Variants in FAM110B observed in about 807,000 individuals in gnomAD.
The protein encoded by FAM110B is family with sequence similarity 110 member B.
FAM110B carries 6 observed loss-of-function variants against 20.4 expected under a neutral mutation model. That is an observed-to-expected ratio of 0.29 (90% confidence interval 0.16 to 0.58). FAM110B has a LOEUF of 0.58. Among genes scored for constraint, FAM110B ranks in the 20% least tolerant of loss-of-function variants. The probability of loss-of-function intolerance (pLI) is 0.90; values close to 1 mark genes in which losing one functional copy is unlikely to be tolerated. For missense variants in FAM110B, 434 were observed against 498.2 expected (o/e 0.87, Z 1.23); for synonymous variants, 226 against 214.1 (o/e 1.06, Z -0.49).
chr8:58,054,194 T>C (rs1369051411), intron 2 of FAM110B, among the ~76,000 whole-genome samples: 1 of 152,202 alleles, frequency 6.6e-6, no homozygotes, highest in Non-Finnish European at 1.5e-5. Context: ...AGGCCAAACT[T>C]AAAATGCATA....
In FAM110B at chr8:58,147,187, A is replaced by G; in HGVS notation, c.957A>G (p.Glu319=). 1 of 1,614,166 alleles carries G rather than the reference A, an allele frequency of 6.2e-7. No homozygotes were observed. The change falls in exon 4 of 4, where the codon GAA becomes GAG. Residue 319 remains glutamate, a synonymous_variant. Coordinates refer to ENST00000519262, the MANE Select transcript of FAM110B (RefSeq NM_001377989.1). The part of the protein sequence containing the change: ...RSASMISSDC[E]QSQDSNSDLR... ...CAAGCATGATCAGCTCAGACTGTGA[A>G]CAGTCTCAGGACAGTAACAGTGACC...
intron 1 of FAM110B, among the ~76,000 whole-genome samples, chr8:58,018,035 A>G (rs1267580732): frequency 6.6e-6 from 1 of 152,220 alleles, no homozygotes; most frequent in African/African-American, 2.4e-5. Flanking sequence ...CAAAACCAAA[A>G]ATGTTATTGT....
In FAM110B at chr8:57,995,247, A is replaced by C. The variant is rs955020728; in HGVS notation, c.-512+441A>C. 7.4e-5 allele frequency among the ~76,000 whole-genome samples: 11 copies of C among 149,342 alleles called. No homozygotes were observed. In the East Asian group the frequency reaches 2.2e-3, roughly 30 times the overall value. ...AGGAGTGGGACTACGAAGGATGGGG[A>C]CTCCGCTCGGCCACCGCTCCTGAAT... On this transcript the variant is annotated intron_variant, in intron 1 of 3. Coordinates refer to ENST00000519262, the MANE Select transcript of FAM110B (RefSeq NM_001377989.1).
chr8:58,097,921 T>C (rs889940100), intron 3 of FAM110B, among the ~76,000 whole-genome samples: 4 of 152,224 alleles, frequency 2.6e-5, no homozygotes, highest in Admixed American at 6.5e-5. Context: ...TGCCTGTTCC[T>C]TTCTCTGGAA....
intron 2 of FAM110B, among the ~76,000 whole-genome samples, chr8:58,038,507 G>T (rs748089875): frequency 3.3e-5 from 5 of 152,092 alleles, no homozygotes; most frequent in Admixed American, 6.5e-5. Flanking sequence ...ATCCCAGCAC[G>T]TTGGGAGGCC....
At chr8:58,112,780 T>A (rs1231749317) in intron 3 of FAM110B, among the ~76,000 whole-genome samples, 1 of 152,232 alleles carries the variant, frequency 6.6e-6, no homozygotes, top group African/African-American at 2.4e-5. Flanking sequence ...TTTTAAGGGA[T>A]CTTTTAAAGT....
chr8:58,137,220 G>A (rs575897644), intron 3 of FAM110B, among the ~76,000 whole-genome samples: 1 of 152,276 alleles, frequency 6.6e-6, no homozygotes, highest in South Asian at 2.1e-4. Context: ...TCTAATGATG[G>A]TGATTATCAA....
intron 3 of FAM110B, among the ~76,000 whole-genome samples, chr8:58,136,750 G>A (rs1482280712): frequency 1.3e-5 from 2 of 152,160 alleles, no homozygotes; most frequent in African/African-American, 4.8e-5. Context: ...AACTGGAAAT[G>A]TGAAATTTTT....
chr8:58,107,448 T>G (rs533506264), intron 3 of FAM110B, among the ~76,000 whole-genome samples: 15 of 152,316 alleles, frequency 9.8e-5, no homozygotes, highest in Non-Finnish European at 1.5e-4. Flanking sequence ...ACAGTTCTAG[T>G]CTCTTGGGCA....
intron 3 of FAM110B, chr8:58,101,087 G>C (rs1806768368): frequency 6.6e-6 from 1 of 151,964 alleles, no homozygotes; most frequent in Non-Finnish European, 1.5e-5. Context: ...TGAGGCAGGA[G>C]AATGGCGTAA....
Position 58,146,842 on chromosome 8 carries a change from C to A in FAM110B, c.612C>A (p.Arg204=). Residue 204 remains arginine (R), a synonymous_variant, in exon 4 of 4, where the codon CGC becomes CGA. Coordinates refer to ENST00000519262, the MANE Select transcript of FAM110B (RefSeq NM_001377989.1). ...LHVSHSSSDI[R]KVTSVKPLKA... is the part of the protein sequence containing the mutation. ...TGTCCCACAGCTCTTCGGACATCCG[C>A]AAGGTGACCAGCGTGAAGCCCCTCA... 1 of 1,613,094 alleles carries A rather than the reference C, an allele frequency of 6.2e-7. No individual in the cohort carries two copies. Among genetic ancestry groups the A allele is most frequent in the Non-Finnish European group, 8.5e-7 (1 of 1,179,464 alleles).
intron 3 of FAM110B, among the ~76,000 whole-genome samples, chr8:58,121,062 G>C (rs73682158): frequency 2.6e-4 from 39 of 152,326 alleles, no homozygotes; most frequent in African/African-American, 9.1e-4. Context: ...CTCAGTTCCA[G>C]TGCAGGAGAC....
intron 1 of FAM110B, among the ~76,000 whole-genome samples, chr8:58,022,193 TA>T (rs1263842787): frequency 6.6e-6 from 1 of 152,218 alleles, no homozygotes; most frequent in Non-Finnish European, 1.5e-5. Flanking sequence ...TTCTGAAAGC[TA>T]AATGTCCCTT....
At chr8:58,056,403 A>G (rs1805549187) in intron 2 of FAM110B, among the ~76,000 whole-genome samples, 1 of 152,222 alleles carries the variant, frequency 6.6e-6, no homozygotes, top group South Asian at 2.1e-4. Flanking sequence ...GGTTGTTAAA[A>G]TCTATTTAAC....
At chr8:58,117,547 TCTCTAGCTAAGGTA>T (rs1251802301) in intron 3 of FAM110B, among the ~76,000 whole-genome samples, 1 of 152,156 alleles carries the variant, frequency 6.6e-6, no homozygotes, top group East Asian at 1.9e-4. Flanking sequence ...ACTCCATCTC[TCTCTAGCTAAGGTA>T]GAGCGAGGGT....
intron 1 of FAM110B, among the ~76,000 whole-genome samples, chr8:58,028,104 CTT>C (rs1942772841): frequency 6.6e-6 from 1 of 152,082 alleles, no homozygotes; most frequent in South Asian, 2.1e-4. Flanking sequence ...CTTATAAACA[CTT>C]TATATTTTCT....
At position 58,146,784 on chromosome 8, in the gene FAM110B, T is replaced by G. The variant is rs1803878019; in HGVS notation, c.554T>G (p.Leu185Arg). The G allele has an allele frequency of 3.7e-6, 6 of 1,611,158 alleles. No homozygotes were observed. The highest frequency in any genetic ancestry group is 1.7e-4 in the Middle Eastern group (1 of 6,056). Residue 185 changes from leucine to arginine, a missense_variant, in exon 4 of 4, where the codon CTG (leucine) becomes CGG (arginine). This residue lies in a region of FAM110B where 284 missense variants were observed against 278.3 expected (regional missense o/e 1.02). Coordinates refer to ENST00000519262, the MANE Select transcript of FAM110B (RefSeq NM_001377989.1). ...GGCGGCTCCCACGTGGGCAGGAGAC[T>G]GCTGGAGCAGTCAGCCGAGTCCTTC... ...QEGGSHVGRR[L>R]LEQSAESFLH...
intron 3 of FAM110B, among the ~76,000 whole-genome samples, chr8:58,098,398 C>A (rs1353177620): frequency 6.6e-6 from 1 of 152,224 alleles, no homozygotes; most frequent in Non-Finnish European, 1.5e-5. Context: ...CTCTCCCAAC[C>A]AAGCTCGAGT....
intron 1 of FAM110B, among the ~76,000 whole-genome samples, chr8:58,012,329 ATCT>A (rs1360852828): frequency 3.3e-5 from 5 of 151,582 alleles, no homozygotes; most frequent in Admixed American, 1.3e-4. Context: ...AAAACTAAAG[ATCT>A]TCTTAGTGTC....
Sources: allele counts gnomAD v4.1 joint callset (sites outside exome capture counted in the v4.1 genomes callset), GRCh38; gene constraint gnomAD v4.1.1; regional missense constraint gnomAD v4.1.1; transcripts MANE v1.5; gene names NCBI Gene and HGNC (gene_info 2026-07-23, HGNC 2026-07-21).